Variants in SPRED1 observed in about 807,000 individuals in gnomAD.
SPRED1 encodes sprouty related EVH1 domain containing 1.
SPRED1 carries 18 observed loss-of-function variants against 52.3 expected under a neutral mutation model. The ratio of observed to expected loss-of-function variants is 0.34; its 90% CI spans 0.24 to 0.51. SPRED1 has a LOEUF of 0.51. Among genes scored for constraint, SPRED1 ranks in the 20% least tolerant of loss-of-function variants. The pLI, the probability that SPRED1 is intolerant of heterozygous loss-of-function variation, is 0.97. For synonymous variants in SPRED1, 155 were observed against 179.7 expected (o/e 0.86, Z 1.10); for missense variants, 485 against 551.0 (o/e 0.88, Z 1.20).
chr15:38,313,457 A>G (rs963190475), intron 2 of SPRED1, among the ~76,000 whole-genome samples: 4 of 152,062 alleles, frequency 2.6e-5, no homozygotes, highest in African/African-American at 7.2e-5. Context: ...CCAGAATATC[A>G]TATAACATCT....
intron 4 of SPRED1, among the ~76,000 whole-genome samples, chr15:38,334,615 G>T (rs1895873159): frequency 6.6e-6 from 1 of 151,868 alleles, no homozygotes; most frequent in Non-Finnish European, 1.5e-5. Flanking sequence ...CATGTTGACT[G>T]TTCTGTACCT....
At chr15:38,265,216 T>C (rs912961654) in intron 1 of SPRED1, among the ~76,000 whole-genome samples, 31 of 152,302 alleles carry the variant, frequency 2.0e-4, no homozygotes, top group African/African-American at 7.5e-4. Flanking sequence ...CCTTGCCTTT[T>C]ATCTATAAAA....
chr15:38,282,352 CACAA>C (rs1894709864), intron 1 of SPRED1, among the ~76,000 whole-genome samples: 5 of 147,464 alleles, frequency 3.4e-5, no homozygotes, highest in African/African-American at 5.0e-5. Context: ...CATGCACACA[CACAA>C]GTTAACCTGG....
intron 1 of SPRED1, among the ~76,000 whole-genome samples, chr15:38,253,753 ATAGGGT>A (rs1894034341): frequency 6.6e-6 from 1 of 152,174 alleles, no homozygotes; most frequent in Non-Finnish European, 1.5e-5. Flanking sequence ...CTTGTAAAAA[ATAGGGT>A]TAGGGAAACA....
chr15:38,277,310 C>G (rs1222545508), intron 1 of SPRED1, among the ~76,000 whole-genome samples: 1 of 152,116 alleles, frequency 6.6e-6, no homozygotes, highest in Admixed American at 6.6e-5. Context: ...CTGTTCCCTT[C>G]TTTGTGTCCA....
intron 1 of SPRED1, among the ~76,000 whole-genome samples, chr15:38,255,603 T>C (rs962277091): frequency 2.0e-5 from 3 of 152,184 alleles, no homozygotes; most frequent in African/African-American, 7.2e-5. Context: ...AGAGTGAACT[T>C]ATTTGGAATG....
rs932465161 is a variant in SPRED1, at chr15:38,352,018, G to A, written c.*354G>A. 2.4e-4 allele frequency: 63 copies of A among 258,308 alleles called. No homozygotes were observed. The highest frequency in any genetic ancestry group is 1.3e-3 in the African/African-American group (59 of 44,264). The allele number at this position is 258,308 out of a possible 1,614,324, so 16.0% of individuals were successfully genotyped here. On this transcript the variant is annotated 3_prime_UTR_variant, in exon 7 of 7. Transcript: ENST00000299084. ...ACTTTTAAAGGTTTGAATTTATTAGGACACGAACTAAAAATAAAAGTGCAC... is the reference window on the plus strand; with the variant it reads ...ACTTTTAAAGGTTTGAATTTATTAGAACACGAACTAAAAATAAAAGTGCAC...
At chr15:38,265,907 C>T (rs1894299157) in intron 1 of SPRED1, among the ~76,000 whole-genome samples, 1 of 152,032 alleles carries the variant, frequency 6.6e-6, no homozygotes, top group Non-Finnish European at 1.5e-5. Context: ...AATTTTTTTG[C>T]AGCTGTAATT....
chr15:38,349,996 C>T (rs1888445969), intron 6 of SPRED1, among the ~76,000 whole-genome samples: 2 of 152,140 alleles, frequency 1.3e-5, no homozygotes, highest in East Asian at 1.9e-4. Context: ...TGTTCTTTGG[C>T]CTCAAAGAAC....
intron 2 of SPRED1, among the ~76,000 whole-genome samples, chr15:38,321,921 C>G (rs1895610663): frequency 6.6e-6 from 1 of 152,094 alleles, no homozygotes; most frequent in African/African-American, 2.4e-5. Flanking sequence ...AGTTAAATTT[C>G]TATTATTACC....
chr15:38,277,732 G>A (rs374578645), intron 1 of SPRED1, among the ~76,000 whole-genome samples: 104 of 152,272 alleles, frequency 6.8e-4, no homozygotes, highest in African/African-American at 2.4e-3. Flanking sequence ...ATTCCCATGA[G>A]CAGTGTATAA....
At chr15:38,288,315 A>G (rs149463560) in intron 1 of SPRED1, among the ~76,000 whole-genome samples, 1,644 of 152,316 alleles carry the variant, frequency 0.011, 11 homozygotes, top group Middle Eastern at 0.031. Flanking sequence ...GTTCATGAAT[A>G]TGACATGTTA....
chr15:38,280,756 A>C (rs1353982831), intron 1 of SPRED1, among the ~76,000 whole-genome samples: 1 of 152,216 alleles, frequency 6.6e-6, no homozygotes, highest in African/African-American at 2.4e-5. Flanking sequence ...TAGAAATTTA[A>C]CATCTCTTAT....
At chr15:38,265,702 T>C (rs1894294121) in intron 1 of SPRED1, among the ~76,000 whole-genome samples, 1 of 152,092 alleles carries the variant, frequency 6.6e-6, no homozygotes, top group African/African-American at 2.4e-5. Context: ...TTTTAATACC[T>C]GAGCACAGTT....
rs1408008895 is a variant in SPRED1, at chr15:38,353,677, A to AAT, written c.*2015_*2016dup. 6.6e-6 allele frequency: 1 copy of AAT among 152,604 alleles called. No homozygotes were observed. The highest frequency in any genetic ancestry group is 6.5e-5 in the Admixed American group (1 of 15,282). The allele number at this position is 152,604 out of a possible 1,614,324, so 9.5% of individuals were successfully genotyped here. On this transcript the variant is annotated 3_prime_UTR_variant, in exon 7 of 7. Coordinates refer to ENST00000299084, the MANE Select transcript of SPRED1 (RefSeq NM_152594.3). ...TCAAAATTTTTATTGGTGAAATGGA[A>AAT]ATACTGTTTTTCCTTGTGAATGAAT...
At chr15:38,324,893 T>G in intron 4 of SPRED1, 84 bp downstream of exon 4, 1 of 1,118,284 alleles carries the variant, frequency 8.9e-7, no homozygotes, top group Non-Finnish European at 1.3e-6. Flanking sequence ...TATCAATTAC[T>G]AAGAATATTT....
intron 1 of SPRED1, 72 bp from the exon 2 acceptor site, chr15:38,299,301 C>T (rs1156814075): frequency 6.5e-7 from 1 of 1,533,628 alleles, no homozygotes; most frequent in Non-Finnish European, 9.0e-7. Context: ...TTTGGTTTCT[C>T]AAACAAGACT....
At chr15:38,334,948 G>A (rs1895882177) in intron 4 of SPRED1, among the ~76,000 whole-genome samples, 1 of 151,588 alleles carries the variant, frequency 6.6e-6, no homozygotes, top group Admixed American at 6.6e-5. Flanking sequence ...GCGCAAAAAA[G>A]TATTTCTATT....
chr15:38,253,013 G>C lies in SPRED1; in HGVS notation c.-173G>C, dbSNP rs977652272. The C allele has an allele frequency of 7.8e-6, 5 of 642,366 alleles. No individual in the cohort carries two copies. The highest frequency in any genetic ancestry group is 4.1e-4 in the Middle Eastern group (1 of 2,440). 39.8% of individuals were successfully genotyped at this position (642,366 alleles called of 1,614,324 possible). ...GCCACCCCCCTGCGGGGGTGGCCGG[G>C]GTTCCCGGCTGGGGGGGTACCGTTC... On this transcript the variant is annotated 5_prime_UTR_variant, in exon 1 of 7. Transcript: ENST00000299084.
Sources: gnomAD v4.1 joint callset for allele counts (sites outside exome capture counted in the v4.1 genomes callset) on GRCh38, gnomAD v4.1.1 for gene constraint, MANE v1.5 for transcripts, NCBI Gene and HGNC (gene_info 2026-07-23, HGNC 2026-07-21) for gene names.